The following FHAD1 variants were observed in gnomAD, a reference collection of about 807,000 sequenced individuals.
FHAD1 encodes the protein forkhead-associated domain-containing protein 1.
FHAD1 carries 146 observed loss-of-function variants against 191.3 expected under a neutral mutation model. That is an observed-to-expected ratio of 0.76 (90% CI 0.67 to 0.88). FHAD1 has a LOEUF of 0.88. FHAD1 is among the 40% of genes least tolerant of loss of function. The probability of loss-of-function intolerance (pLI) is 0.00; values close to 1 mark genes in which losing one functional copy is unlikely to be tolerated. For missense variants in FHAD1, 1,635 were observed against 1,785.8 expected (o/e 0.92, Z 1.52); for synonymous variants, 616 against 672.3 (o/e 0.92, Z 1.29).
chr1:15,377,403 C>G (rs1302347971), intron 28 of FHAD1, among the ~76,000 whole-genome samples: 2 of 152,102 alleles, frequency 1.3e-5, no homozygotes, highest in African/African-American at 2.4e-5. Flanking sequence ...TGCTCCAGTC[C>G]CACCACAGAC....
intron 8 of FHAD1, among the ~76,000 whole-genome samples, chr1:15,313,595 AG>A (rs533838168): frequency 5.3e-4 from 80 of 152,322 alleles, no homozygotes; most frequent in Non-Finnish European, 9.7e-4. Context: ...TGCATGCAAA[AG>A]AGGACACGGT....
intron 3 of FHAD1, among the ~76,000 whole-genome samples, chr1:15,284,056 C>A (rs757408416): frequency 6.6e-6 from 1 of 152,132 alleles, no homozygotes; most frequent in African/African-American, 2.4e-5. Flanking sequence ...TCCTTTAATG[C>A]ACAAAATGTG....
Position 15,358,079 on chromosome 1 carries a change from C to G in FHAD1, c.2563-31C>G, listed in dbSNP as rs369021064. ...TGGGTAAATATGTATTCCTGAATGT[C>G]TGTTATTTTGCTACTTGTTTTTTTG... On this transcript the variant is annotated intron_variant, in intron 20 of 33. Transcript: ENST00000688493. 2.8e-6 allele frequency: 4 copies of G among 1,452,458 alleles called. No individual in the cohort carries two copies. In the African/African-American group the frequency reaches 5.8e-5, roughly 21 times the overall value. The allele number at this position is 1,452,458 out of a possible 1,614,324, so 90.0% of individuals were successfully genotyped here.
chr1:15,331,423 G>C (rs1040232659), intron 14 of FHAD1, among the ~76,000 whole-genome samples: 22 of 147,222 alleles, frequency 1.5e-4, no homozygotes, highest in Non-Finnish European at 2.9e-4. Flanking sequence ...TGGGTGGATG[G>C]ATGGATGGAC....
chr1:15,263,487 T>G lies in FHAD1; in HGVS notation c.94-8836T>G, dbSNP rs1450605040. On this transcript the variant is annotated intron_variant, in intron 2 of 33. Transcript: ENST00000688493. ...TTTGAACTAATTTTTGTTTATGGTG[T>G]AAGTTAAGGGTCCAGTTTTATTCTT... 5.3e-5 allele frequency among the ~76,000 whole-genome samples: 8 copies of G among 150,902 alleles called. No homozygotes were observed. The East Asian group carries it at 1.5e-3, about 29-fold the overall frequency.
At chr1:15,383,977 C>T (rs1297026133) in intron 31 of FHAD1, 1 of 355,112 alleles carries the variant, frequency 2.8e-6, no homozygotes, top group African/African-American at 2.2e-5. Context: ...TGTGTGCATT[C>T]TCGTGTGTGT....
chr1:15,397,381 C>G lies in FHAD1; in HGVS notation c.4408C>G (p.Leu1470Val). 1 of 1,542,686 alleles carries G rather than the reference C, an allele frequency of 6.5e-7. No homozygotes were observed. The highest frequency in any genetic ancestry group is 1.2e-5 in the South Asian group (1 of 83,010). Reference protein sequence around the residue: ...KETSSKSSQSLLHSKPSGKY With the variant: ...KETSSKSSQSVLHSKPSGKY ...GACCTCCAGCAAGTCCAGCCAGAGC[C>G]TTTTGCATTCTAAGCCCAGTGGAAA... Residue 1470 changes from leucine to valine, a missense_variant, in exon 34 of 34, where the codon CTT becomes GTT. Coordinates refer to ENST00000688493, the MANE Select transcript of FHAD1 (RefSeq NM_001391957.1).
chr1:15,359,717 G>A (rs1395138546), intron 21 of FHAD1, among the ~76,000 whole-genome samples: 3 of 152,078 alleles, frequency 2.0e-5, no homozygotes, highest in African/African-American at 7.2e-5. Flanking sequence ...ATGGGAGGCC[G>A]AGGCGGGCGG....
At chr1:15,390,582 T>G (rs1703741759) in intron 32 of FHAD1, among the ~76,000 whole-genome samples, 1 of 152,054 alleles carries the variant, frequency 6.6e-6, no homozygotes, top group African/African-American at 2.4e-5. Context: ...GTTGGGGATC[T>G]CTGAGAGGGG....
chr1:15,270,396 G>T (rs572770302), intron 2 of FHAD1, among the ~76,000 whole-genome samples: 4 of 152,314 alleles, frequency 2.6e-5, no homozygotes, highest in African/African-American at 7.2e-5. Flanking sequence ...CAGGTGACTT[G>T]TCAAGCGGGG....
chr1:15,369,500 G>A lies in FHAD1; in HGVS notation c.3445G>A (p.Glu1149Lys). The change falls in exon 26 of 34, where the codon GAG becomes AAG. Residue 1149 changes from glutamate to lysine, a missense_variant and splice_region_variant. Physicochemically the swap from Glu to Lys is moderately conservative, Grantham distance 56. Transcript: ENST00000688493. ...VHTEAFSSSQ[E>K]QQSFSDLGVR... ...CACTGAGGCCTTCTCCAGCAGCCAA[G>A]AGGTGAGTGCCACCCACTCCTGGGT... 2 of 1,551,698 alleles carry A rather than the reference G, an allele frequency of 1.3e-6. No individual in the cohort carries two copies. Among genetic ancestry groups the A allele is most frequent in the Non-Finnish European group, 1.7e-6 (2 of 1,147,000 alleles).
At chr1:15,346,534 G>A (rs1293807443) in intron 18 of FHAD1, among the ~76,000 whole-genome samples, 1 of 152,134 alleles carries the variant, frequency 6.6e-6, no homozygotes, top group African/African-American at 2.4e-5. Flanking sequence ...CCTAAAGGGA[G>A]GTGGCCAGAA....
intron 1 of FHAD1, among the ~76,000 whole-genome samples, chr1:15,239,175 G>C (rs144161098): frequency 7.2e-5 from 11 of 152,130 alleles, no homozygotes; most frequent in Non-Finnish European, 1.5e-4. Context: ...CCAAAGTGCT[G>C]GGATTACAGG....
intron 32 of FHAD1, among the ~76,000 whole-genome samples, chr1:15,388,968 G>T (rs1482654484): frequency 2.6e-5 from 4 of 152,140 alleles, no homozygotes; most frequent in Non-Finnish European, 4.4e-5. Flanking sequence ...ATCTGTACGG[G>T]GCTGGGCTCT....
chr1:15,399,667 T>TGG (rs1175622511), downstream of FHAD1, among the ~76,000 whole-genome samples: 16 of 152,204 alleles, frequency 1.1e-4, no homozygotes, highest in Non-Finnish European at 1.9e-4. Flanking sequence ...GAACCTGGTA[T>TGG]TAGACTGTAC....
At chr1:15,392,532 A>G (rs12734304) in intron 33 of FHAD1, among the ~76,000 whole-genome samples, 15,006 of 140,872 alleles carry the variant, frequency 0.11, 921 homozygotes, top group South Asian at 0.22. Context: ...CTCCGTCTCG[A>G]AAAAAAAAAA....
intron 16 of FHAD1, 126 bp downstream of exon 16, chr1:15,342,014 A>T: frequency 1.3e-6 from 1 of 755,034 alleles, no homozygotes. Flanking sequence ...ATGAAACTAA[A>T]TTAATTAAAC....
chr1:15,316,509 C>T lies in FHAD1; in HGVS notation c.1260+42C>T. The T allele has an allele frequency of 6.6e-7, 1 of 1,519,014 alleles. No individual in the cohort carries two copies. The highest frequency in any genetic ancestry group is 1.4e-5 in the African/African-American group (1 of 72,236). The allele number at this position is 1,519,014 out of a possible 1,614,324, so 94.1% of individuals were successfully genotyped here. A position where few individuals can be genotyped will look rare whatever the true frequency, so the allele number is the denominator to read the frequency against. On this transcript the variant is annotated intron_variant, in intron 9 of 33. Coordinates refer to ENST00000688493, the MANE Select transcript of FHAD1 (RefSeq NM_001391957.1). The surrounding 1 kb of genome is among the most constrained non-coding windows in gnomAD (Gnocchi z 4.3). Reference sequence around the variant, plus strand: ...CCTTTGTAGGTACCACCAGAAAAAACAGAGTTTGACCTTGAGGTTCTTGGT... The same window carrying T: ...CCTTTGTAGGTACCACCAGAAAAAATAGAGTTTGACCTTGAGGTTCTTGGT...
upstream of FHAD1, among the ~76,000 whole-genome samples, chr1:15,242,742 T>C (rs1269739463): frequency 6.6e-6 from 1 of 152,184 alleles, no homozygotes; most frequent in Non-Finnish European, 1.5e-5. Flanking sequence ...TGAGTCTTGA[T>C]GCAAATCAAA....
Sources: allele counts gnomAD v4.1 joint callset (sites outside exome capture counted in the v4.1 genomes callset), GRCh38; gene constraint gnomAD v4.1.1; non-coding constraint Gnocchi (gnomAD v3.1); transcripts MANE v1.5; gene names NCBI Gene and HGNC (gene_info 2026-07-23, HGNC 2026-07-21).